Variants in CNTN4 observed in about 807,000 individuals in gnomAD.
CNTN4 encodes contactin-4.
CNTN4 carries 77 observed loss-of-function variants against 122.5 expected under a neutral mutation model. The ratio of observed to expected loss-of-function variants is 0.63; its 90% CI spans 0.52 to 0.76. The LOEUF (loss-of-function observed/expected upper bound fraction) is 0.76. Ranked by LOEUF, CNTN4 falls within the 30% of genes least tolerant of loss-of-function variation. The pLI is 0.00. For synonymous variants in CNTN4, 512 were observed against 447.0 expected (o/e 1.15, Z -1.83); for missense variants, 1,256 against 1,259.1 (o/e 1.00, Z 0.04).
At chr3:2,165,543 A>G (rs2036158621) in intron 2 of CNTN4, among the ~76,000 whole-genome samples, 1 of 152,128 alleles carries the variant, frequency 6.6e-6, no homozygotes. Context: ...AATACTTAAG[A>G]CGTACTCTCT....
intron 3 of CNTN4, among the ~76,000 whole-genome samples, chr3:2,427,539 G>A (rs566791498): frequency 1.3e-5 from 2 of 152,196 alleles, no homozygotes; most frequent in African/African-American, 2.4e-5. Context: ...TGAGAAGAAT[G>A]TATATTCTGT....
intron 3 of CNTN4, among the ~76,000 whole-genome samples, chr3:2,444,947 C>G (rs1341393895): frequency 6.6e-6 from 1 of 151,778 alleles, no homozygotes; most frequent in African/African-American, 2.4e-5. Context: ...ATTAGAATTT[C>G]CTACCTCACA....
At chr3:2,698,507 A>G (rs879507007) in intron 4 of CNTN4, among the ~76,000 whole-genome samples, 13 of 152,202 alleles carry the variant, frequency 8.5e-5, no homozygotes, top group Admixed American at 5.2e-4. Context: ...TATTTTACAA[A>G]TAGGAAGCTG....
intron 2 of CNTN4, among the ~76,000 whole-genome samples, chr3:2,291,822 C>A (rs889656143): frequency 1.3e-5 from 2 of 152,110 alleles, no homozygotes; most frequent in African/African-American, 2.4e-5. Context: ...CAACCTCCGC[C>A]TCCCAGGTTG....
At chr3:2,535,782 T>C (rs1014717826) in intron 3 of CNTN4, among the ~76,000 whole-genome samples, 1 of 152,160 alleles carries the variant, frequency 6.6e-6, no homozygotes. Context: ...GAAAACCTTT[T>C]TTTGTCCATG....
At chr3:2,362,947 GA>G (rs1317322031) in intron 3 of CNTN4, among the ~76,000 whole-genome samples, 1 of 151,676 alleles carries the variant, frequency 6.6e-6, no homozygotes, top group Non-Finnish European at 1.5e-5. Flanking sequence ...AGCAATTGAA[GA>G]ACATTACAGA....
chr3:3,001,772 G>T (rs1350101681), intron 14 of CNTN4, among the ~76,000 whole-genome samples: 1 of 152,160 alleles, frequency 6.6e-6, no homozygotes, highest in South Asian at 2.1e-4. Context: ...AATTGACCAT[G>T]ATGGGGATTT....
intron 2 of CNTN4, among the ~76,000 whole-genome samples, chr3:2,124,436 ACAC>A (rs2033999023): frequency 1.0e-5 from 1 of 98,634 alleles, no homozygotes; most frequent in Non-Finnish European, 2.4e-5. Context: ...TATTTAAAAC[ACAC>A]ACACACACAC....
chr3:2,252,221 A>T lies in CNTN4; in HGVS notation c.-144-86957A>T, dbSNP rs149884688. On this transcript the variant is annotated intron_variant, in intron 2 of 24. Coordinates refer to ENST00000418658, the MANE Select transcript of CNTN4 (RefSeq NM_175607.3). The stretch of plus-strand genomic sequence containing the variant: ...CAACATAGTTGAGTGGTGAAACTAT[A>T]CTCTTGATAAAGTTTTTTATTATAA... 1.7e-3 allele frequency among the ~76,000 whole-genome samples: 262 copies of T among 152,096 alleles called. 1 individual carries two copies. Among genetic ancestry groups the T allele is most frequent in the African/African-American group, 5.8e-3 (239 of 41,558 alleles).
intron 4 of CNTN4, among the ~76,000 whole-genome samples, chr3:2,646,808 C>G (rs1470267546): frequency 6.6e-6 from 1 of 152,180 alleles, no homozygotes; most frequent in African/African-American, 2.4e-5. Context: ...GGCCTTTCCT[C>G]TGACTGTATC....
At chr3:2,280,160 A>G (rs2041664791) in intron 2 of CNTN4, among the ~76,000 whole-genome samples, 3 of 151,996 alleles carry the variant, frequency 2.0e-5, no homozygotes, top group Admixed American at 2.0e-4. Context: ...GGGTTTTCTC[A>G]TGTTGCCCAG....
intron 4 of CNTN4, among the ~76,000 whole-genome samples, chr3:2,726,752 G>A (rs1037232833): frequency 6.6e-6 from 1 of 152,172 alleles, no homozygotes; most frequent in African/African-American, 2.4e-5. Context: ...TTGTAATGGT[G>A]GATCCATGTC....
intron 2 of CNTN4, among the ~76,000 whole-genome samples, chr3:2,265,003 C>T (rs2040984951): frequency 6.6e-6 from 1 of 152,016 alleles, no homozygotes; most frequent in African/African-American, 2.4e-5. Context: ...TCTTTCATCC[C>T]TCACGCCACT....
intron 6 of CNTN4, among the ~76,000 whole-genome samples, chr3:2,788,335 G>T (rs1281111574): frequency 6.6e-6 from 1 of 152,072 alleles, no homozygotes; most frequent in African/African-American, 2.4e-5. Flanking sequence ...TTCACTGTAT[G>T]ATATAATTTG....
chr3:2,790,430 G>T (rs1054803141), intron 6 of CNTN4, among the ~76,000 whole-genome samples: 1 of 152,202 alleles, frequency 6.6e-6, no homozygotes, highest in African/African-American at 2.4e-5. Context: ...GATCTTCAGG[G>T]ATAGTCGTTT....
At chr3:2,718,059 T>C (rs2087608230) in intron 4 of CNTN4, among the ~76,000 whole-genome samples, 1 of 152,182 alleles carries the variant, frequency 6.6e-6, no homozygotes, top group African/African-American at 2.4e-5. Context: ...TGTTGAATAC[T>C]AGATTATTAT....
intron 8 of CNTN4, among the ~76,000 whole-genome samples, chr3:2,877,525 A>T (rs2093858346): frequency 6.6e-6 from 1 of 152,240 alleles, no homozygotes; most frequent in South Asian, 2.1e-4. Context: ...CAGGCAAATC[A>T]TGTATTTCAT....
intron 4 of CNTN4, among the ~76,000 whole-genome samples, chr3:2,631,051 T>C (rs2082409017): frequency 6.6e-6 from 1 of 152,128 alleles, no homozygotes; most frequent in Non-Finnish European, 1.5e-5. Flanking sequence ...TAAGGCAAAA[T>C]CTCTCATCTG....
chr3:2,288,594 A>C (rs892000694), intron 2 of CNTN4, among the ~76,000 whole-genome samples: 1 of 152,178 alleles, frequency 6.6e-6, no homozygotes, highest in Non-Finnish European at 1.5e-5. Context: ...TGCTATAAAA[A>C]CAGATCAAAG....
Sources: gnomAD v4.1 joint callset for allele counts (sites outside exome capture counted in the v4.1 genomes callset) on GRCh38, gnomAD v4.1.1 for gene constraint, MANE v1.5 for transcripts, NCBI Gene and HGNC (gene_info 2026-07-23, HGNC 2026-07-21) for gene names.